Variants in C2orf78 observed in about 807,000 individuals in gnomAD.
C2orf78 encodes chromosome 2 open reading frame 78.
In C2orf78, 12 loss-of-function variants were observed where a neutral mutation model predicts 21.4. That is an observed-to-expected ratio of 0.56 (90% CI 0.36 to 0.91). The LOEUF (loss-of-function observed/expected upper bound fraction) is 0.91, where lower values mean the gene tolerates loss of function less well. Ranked by LOEUF, C2orf78 falls within the 40% of genes least tolerant of loss-of-function variation. The probability of loss-of-function intolerance (pLI) is 0.01; values close to 1 mark genes in which losing one functional copy is unlikely to be tolerated. For missense variants in C2orf78, 1,042 were observed against 1,092.4 expected, an observed-to-expected ratio of 0.95 and a Z score of 0.65; for synonymous variants, 396 against 413.9, an observed-to-expected ratio of 0.96 and a Z score of 0.52.
chr2:73,808,582 C>T (rs1326694675), intron 1 of C2orf78, among the ~76,000 whole-genome samples: 1 of 150,224 alleles, frequency 6.7e-6, no homozygotes, highest in Non-Finnish European at 1.5e-5. Context: ...GCTGTTACAC[C>T]TTTCCTACCA....
At chr2:73,810,508 CAA>C (rs1235674092) in intron 1 of C2orf78, among the ~76,000 whole-genome samples, 1 of 145,684 alleles carries the variant, frequency 6.9e-6, no homozygotes, top group African/African-American at 2.5e-5. Flanking sequence ...GCATGGGCAA[CAA>C]GAGCGAAACT....
chr2:73,812,414 T>G (rs1380314492), intron 1 of C2orf78, among the ~76,000 whole-genome samples: 7 of 152,228 alleles, frequency 4.6e-5, no homozygotes, highest in African/African-American at 1.7e-4. Flanking sequence ...ATCACTTTTA[T>G]TCATGTATGA....
chr2:73,808,927 G>T lies in C2orf78; in HGVS notation c.98-4550G>T, dbSNP rs1436420597. ...GTAAAGAGAGAAACTTTTTAAAAAGGTTTTCATGAGATTTCTTTGCCACTA... is the reference window on the plus strand; with the variant it reads ...GTAAAGAGAGAAACTTTTTAAAAAGTTTTTCATGAGATTTCTTTGCCACTA... On this transcript the variant is annotated intron_variant, in intron 1 of 2. Coordinates refer to ENST00000409561, the Ensembl canonical transcript of C2orf78. The T allele has an allele frequency of 4.8e-5, 35 of 729,308 alleles. No individual in the cohort carries two copies. The Middle Eastern group carries it at 1.2e-3, about 25-fold the overall frequency. 45.2% of individuals were successfully genotyped at this position (729,308 alleles called of 1,614,324 possible). A position where few individuals can be genotyped will look rare whatever the true frequency, so the allele number is the denominator to read the frequency against.
intron 1 of C2orf78, among the ~76,000 whole-genome samples, chr2:73,810,359 C>G (rs1673053926): frequency 6.6e-6 from 1 of 151,536 alleles, no homozygotes; most frequent in South Asian, 2.1e-4. Context: ...GAAACCCTGT[C>G]TCTACTAAAA....
At chr2:73,810,226 A>G (rs1673051352) in intron 1 of C2orf78, among the ~76,000 whole-genome samples, 2 of 152,016 alleles carry the variant, frequency 1.3e-5, no homozygotes. Flanking sequence ...TTTAATATAA[A>G]CATTTTAGAA....
At chr2:73,815,450 G>A (rs775637702) in exon 3 of C2orf78, 47 of 1,613,796 alleles carry the variant, frequency 2.9e-5, no homozygotes, top group Non-Finnish European at 4.0e-5. Context: ...GCCAAGAGGA[G>A]CAGCCTGGTT....
rs192775866 is a variant in C2orf78, at chr2:73,811,094, C to G, written c.98-2383C>G. ...TCACCTGAGGTCAGGAGTTCGAGAT[C>G]AGCCTGGCCAACATGGTGAAATCCC... On this transcript the variant is annotated intron_variant, in intron 1 of 2. Coordinates refer to ENST00000409561, the Ensembl canonical transcript of C2orf78. 1.1e-3 allele frequency among the ~76,000 whole-genome samples: 170 copies of G among 151,322 alleles called. 1 individual carries two copies. Among genetic ancestry groups the G allele is most frequent in the African/African-American group, 3.5e-3 (144 of 41,252 alleles).
intron 1 of C2orf78, among the ~76,000 whole-genome samples, chr2:73,786,243 G>T (rs1247224548): frequency 5.3e-5 from 8 of 151,658 alleles, no homozygotes; most frequent in Non-Finnish European, 1.2e-4. Flanking sequence ...AGCTGGGTGT[G>T]GTGGCGTGCA....
chr2:73,815,408 T>C (rs558573133), exon 3 of C2orf78: 2 of 1,613,928 alleles, frequency 1.2e-6, no homozygotes, highest in African/African-American at 2.7e-5. Context: ...TCCCCGATAT[T>C]CACCCGCTTC....
chr2:73,815,458 G>C (rs1462758942), exon 3 of C2orf78: 2 of 1,613,756 alleles, frequency 1.2e-6, no homozygotes, highest in African/African-American at 2.7e-5. Flanking sequence ...GAGCAGCCTG[G>C]TTCTGAAAAT....
intron 1 of C2orf78, 85 bp from the exon 2 acceptor site, chr2:73,813,392 C>A: frequency 7.4e-7 from 1 of 1,354,098 alleles, no homozygotes; most frequent in Non-Finnish European, 9.8e-7. Flanking sequence ...CTGATTGCAA[C>A]AACCTTAAGA....
chr2:73,808,694 A>T lies in C2orf78; in HGVS notation c.98-4783A>T, dbSNP rs75777988. ...TGTGACATCATTCTCCCACCAAACC[A>T]ACTGCCACCTGGTAGAATCTTGGGG... On this transcript the variant is annotated intron_variant, in intron 1 of 2. Coordinates refer to ENST00000409561, the Ensembl canonical transcript of C2orf78. The T allele has an allele frequency of 1.7e-5, 25 of 1,503,134 alleles. 1 individual carries two copies. In the South Asian group the frequency reaches 2.9e-4, roughly 17 times the overall value. The allele number at this position is 1,503,134 out of a possible 1,614,324, so 93.1% of individuals were successfully genotyped here.
At chr2:73,808,149 G>T (rs1672996285) in intron 1 of C2orf78, among the ~76,000 whole-genome samples, 2 of 150,956 alleles carry the variant, frequency 1.3e-5, no homozygotes, top group East Asian at 1.9e-4. Context: ...AGCTACTAAG[G>T]AGTCTGAGGC....
In C2orf78 at chr2:73,816,726, C is replaced by G. The variant is rs770733135; in HGVS notation, c.2503C>G (p.Leu835Val). 1.9e-6 allele frequency: 3 copies of G among 1,613,940 alleles called. No homozygotes were observed. In the South Asian group the frequency reaches 3.3e-5, roughly 18 times the overall value. Residue 835 changes from leucine to valine, a missense_variant, in exon 3 of 3, where the codon CTC becomes GTC. Physicochemically the swap from Leu to Val is conservative, Grantham distance 32. Coordinates refer to ENST00000409561, the Ensembl canonical transcript of C2orf78. ...GCCTGTTTCCACTGCTGTGACCAGT[C>G]TCCGGTCACTGCCCAAGCCTCAAAA...
At chr2:73,814,560 A>C (rs1673154466) in intron 2 of C2orf78, among the ~76,000 whole-genome samples, 1 of 152,196 alleles carries the variant, frequency 6.6e-6, no homozygotes, top group Admixed American at 6.5e-5. Context: ...TTTGGAAGGC[A>C]CTTCAGAACT....
At chr2:73,815,497 T>C (rs368693205) in exon 3 of C2orf78, 2 of 1,613,902 alleles carry the variant, frequency 1.2e-6, no homozygotes, top group East Asian at 2.2e-5. Context: ...AGCCTGAGTC[T>C]TGAGGACCAA....
intron 1 of C2orf78, among the ~76,000 whole-genome samples, chr2:73,808,344 A>G (rs1211066635): frequency 6.6e-6 from 1 of 151,220 alleles, no homozygotes; most frequent in Non-Finnish European, 1.5e-5. Context: ...TGCTCAACTT[A>G]GACATCCCCT....
chr2:73,808,012 T>G (rs879709042), intron 1 of C2orf78, among the ~76,000 whole-genome samples: 1 of 151,028 alleles, frequency 6.6e-6, no homozygotes, highest in Non-Finnish European at 1.5e-5. Context: ...TCCCAGCACT[T>G]TGGGAGGCTG....
At chr2:73,797,993 A>G (rs1672955293) in intron 1 of C2orf78, among the ~76,000 whole-genome samples, 1 of 53,412 alleles carries the variant, frequency 1.9e-5, no homozygotes, top group Non-Finnish European at 4.3e-5. Flanking sequence ...GGGAGAGCAG[A>G]AGAGAGATCC....
Sources: gnomAD v4.1 joint callset for allele counts (sites outside exome capture counted in the v4.1 genomes callset) on GRCh38, gnomAD v4.1.1 for gene constraint, MANE v1.5 for transcripts, NCBI Gene and HGNC (gene_info 2026-07-23, HGNC 2026-07-21) for gene names.